Variants in BABAM2 observed in about 807,000 individuals in gnomAD.
The protein encoded by BABAM2 is BRISC and BRCA1-A complex member 2.
In BABAM2, 31 loss-of-function variants were observed where a neutral mutation model predicts 54.7. That is an observed-to-expected ratio of 0.57 (90% CI 0.43 to 0.77). The LOEUF (loss-of-function observed/expected upper bound fraction) is 0.77, where lower values mean the gene tolerates loss of function less well. Ranked by LOEUF, BABAM2 falls within the 30% of genes least tolerant of loss-of-function variation. The probability of loss-of-function intolerance (pLI) is 0.00; values close to 1 mark genes in which losing one functional copy is unlikely to be tolerated. For missense variants in BABAM2, 364 were observed against 455.8 expected, an observed-to-expected ratio of 0.80 and a Z score of 1.83; for synonymous variants, 167 against 162.9, an observed-to-expected ratio of 1.03 and a Z score of -0.19.
At chr2:28,310,215 A>C in intron 11 of BABAM2, 48 of 1,544,386 alleles carry the variant, frequency 3.1e-5, no homozygotes, top group African/African-American at 4.1e-5. Context: ...GATAAGCTCC[A>C]TTGAAAAGCC....
intron 2 of BABAM2, among the ~76,000 whole-genome samples, chr2:27,918,326 CAT>C (rs922648796): frequency 3.3e-5 from 5 of 152,104 alleles, no homozygotes; most frequent in Non-Finnish European, 5.9e-5. Context: ...TAAGTGGAAT[CAT>C]ATAGTCTTTG....
At chr2:28,107,546 A>C (rs372429587) in intron 6 of BABAM2, among the ~76,000 whole-genome samples, 1 of 152,076 alleles carries the variant, frequency 6.6e-6, no homozygotes, top group Admixed American at 6.6e-5. Context: ...GTGTGCTGTC[A>C]TCTCTTCCAT....
At chr2:27,902,759 A>G (rs1453301679) in intron 2 of BABAM2, among the ~76,000 whole-genome samples, 1 of 152,192 alleles carries the variant, frequency 6.6e-6, no homozygotes, top group South Asian at 2.1e-4. Context: ...AATTACATGT[A>G]TTACAAATAT....
Position 27,983,942 on chromosome 2 carries a change from C to CTTTTTTTTTTTTTTTTTTTT in BABAM2, c.206-4032_206-4031insTTTTTTTTTTTTTTTTTTTT. Among the ~76,000 whole-genome samples the CTTTTTTTTTTTTTTTTTTTT allele has an allele frequency of 1.4e-3, 43 of 31,150 alleles. 2 individuals are homozygous for CTTTTTTTTTTTTTTTTTTTT. The highest frequency in any genetic ancestry group is 2.0e-3 in the Non-Finnish European group (30 of 15,380). 20.4% of individuals were successfully genotyped at this position (31,150 alleles called of 152,430 possible). ...TTTCCAATGTAGATACATTTTGTAC[C>CTTTTTTTTTTTTTTTTTTTT]TTTTTTTTTTTTTTTTTTTGCCAAA... On this transcript the variant is annotated intron_variant, in intron 3 of 11. Coordinates refer to ENST00000379624, the MANE Select transcript of BABAM2 (RefSeq NM_199191.3).
At chr2:28,323,422 C>T (rs1690194630) in intron 11 of BABAM2, among the ~76,000 whole-genome samples, 1 of 152,200 alleles carries the variant, frequency 6.6e-6, no homozygotes, top group South Asian at 2.1e-4. Flanking sequence ...TGTTACATTA[C>T]TGCTTCCACT....
chr2:28,140,276 A>C (rs1670925169), intron 7 of BABAM2, among the ~76,000 whole-genome samples: 1 of 152,212 alleles, frequency 6.6e-6, no homozygotes, highest in Non-Finnish European at 1.5e-5. Flanking sequence ...TGTATAAAAA[A>C]GGTAGCTTAA....
chr2:28,026,184 A>G (rs982395163), intron 5 of BABAM2, among the ~76,000 whole-genome samples: 1 of 152,182 alleles, frequency 6.6e-6, no homozygotes, highest in East Asian at 1.9e-4. Flanking sequence ...TGATTCCTCA[A>G]GAATCTAGAA....
chr2:28,188,692 G>A (rs1676580806), intron 7 of BABAM2, among the ~76,000 whole-genome samples: 1 of 152,128 alleles, frequency 6.6e-6, no homozygotes, highest in African/African-American at 2.4e-5. Flanking sequence ...GATACACGGG[G>A]GATGGTTTCT....
chr2:28,145,728 C>T (rs745735379), intron 7 of BABAM2, among the ~76,000 whole-genome samples: 4 of 152,194 alleles, frequency 2.6e-5, no homozygotes, highest in Non-Finnish European at 5.9e-5. Flanking sequence ...TGCAGTTACT[C>T]CCAGTTTTCC....
rs1251218368 is a variant in BABAM2, at chr2:28,181,125, A to G, written c.680+51745A>G. Among the ~76,000 whole-genome samples the G allele has an allele frequency of 2.6e-5, 4 of 152,196 alleles. No individual in the cohort carries two copies. The South Asian group carries it at 8.3e-4, about 32-fold the overall frequency. On this transcript the variant is annotated intron_variant, in intron 7 of 11. Coordinates refer to ENST00000379624, the MANE Select transcript of BABAM2 (RefSeq NM_199191.3). ...TACTACTGGGTATTTATCCAAAGGA[A>G]AGGAAATAAGTATATCTAAGGAGAT...
At chr2:27,894,405 G>T (rs968417279) in intron 1 of BABAM2, 128 bp from the exon 2 acceptor site, 1 of 924,330 alleles carries the variant, frequency 1.1e-6, no homozygotes, top group East Asian at 2.5e-5. Flanking sequence ...AAGAGGCTGC[G>T]CTAGAGATGG....
chr2:27,947,918 T>C lies in BABAM2; in HGVS notation c.205+18010T>C, dbSNP rs72854448. 2.8e-3 allele frequency among the ~76,000 whole-genome samples: 425 copies of C among 152,328 alleles called. 1 individual carries two copies. The highest frequency in any genetic ancestry group is 9.8e-3 in the African/African-American group (407 of 41,604). ...TTTCCCACATATGTGTGAGCATTTT[T>C]CTTAACTTTCTAGTCTGTCCTGTAG... is the stretch of plus-strand genomic sequence containing the variant. On this transcript the variant is annotated intron_variant, in intron 3 of 11. Transcript: ENST00000379624.
intron 6 of BABAM2, among the ~76,000 whole-genome samples, chr2:28,082,211 T>A (rs1665237234): frequency 6.6e-6 from 1 of 152,202 alleles, no homozygotes; most frequent in African/African-American, 2.4e-5. Flanking sequence ...TATTTTTCAG[T>A]TTTAGGTTAA....
chr2:28,136,703 T>C (rs1670574592), intron 7 of BABAM2, among the ~76,000 whole-genome samples: 2 of 152,282 alleles, frequency 1.3e-5, no homozygotes, highest in South Asian at 4.2e-4. Flanking sequence ...TGACCTAATA[T>C]AGTCCTGTTG....
chr2:27,943,109 C>G (rs1437727990), intron 3 of BABAM2, among the ~76,000 whole-genome samples: 6 of 152,174 alleles, frequency 3.9e-5, no homozygotes, highest in Non-Finnish European at 4.4e-5. Flanking sequence ...ACATTTTGAA[C>G]CTTGGCCGCT....
intron 2 of BABAM2, among the ~76,000 whole-genome samples, chr2:27,907,782 T>G (rs917406663): frequency 5.9e-5 from 9 of 152,208 alleles, no homozygotes; most frequent in Admixed American, 5.2e-4. Context: ...CATGCAGTAT[T>G]TACCCTTTTG....
At position 28,337,483 on chromosome 2, in the gene BABAM2, G is replaced by A. The variant is rs145757743; in HGVS notation, c.1089-967G>A. On this transcript the variant is annotated intron_variant, in intron 11 of 11. Coordinates refer to ENST00000379624, the MANE Select transcript of BABAM2 (RefSeq NM_199191.3). ...TTGTACAGTGCCTGACACAGTGTGG[G>A]CTCGGCGGGTGCACATCTGAGGTAG... 4.8e-3 allele frequency among the ~76,000 whole-genome samples: 732 copies of A among 152,148 alleles called. 4 individuals carry two copies. Among genetic ancestry groups the A allele is most frequent in the South Asian group, 0.028 (134 of 4,816 alleles).
chr2:28,175,647 C>T (rs563730253), intron 7 of BABAM2, among the ~76,000 whole-genome samples: 2 of 152,226 alleles, frequency 1.3e-5, no homozygotes, highest in Non-Finnish European at 2.9e-5. Flanking sequence ...TGGGGAGCCT[C>T]AGGGTTGTCC....
At chr2:28,310,185 G>A in intron 11 of BABAM2, 7 of 1,599,628 alleles carry the variant, frequency 4.4e-6, no homozygotes, top group Non-Finnish European at 6.0e-6. Flanking sequence ...ATTAGAACCT[G>A]ACATCTGTTG....
Sources: allele counts gnomAD v4.1 joint callset (sites outside exome capture counted in the v4.1 genomes callset), GRCh38; gene constraint gnomAD v4.1.1; transcripts MANE v1.5; gene names NCBI Gene and HGNC (gene_info 2026-07-23, HGNC 2026-07-21).